SPMIP11: variants seen among roughly 807,000 people sequenced by gnomAD.
SPMIP11 encodes the protein long intergenic non-protein coding RNA 935.
the SPMIP11 span, among the ~76,000 whole-genome samples, chr12:48,760,248 A>G: frequency 6.6e-6 from 1 of 152,086 alleles, no homozygotes; most frequent in African/African-American, 2.4e-5. Flanking sequence ...ATCATAGCTC[A>G]CTGCAGCCTC....
the SPMIP11 span, among the ~76,000 whole-genome samples, chr12:48,746,270 T>G: frequency 1.3e-5 from 2 of 151,886 alleles, no homozygotes; most frequent in Admixed American, 1.3e-4. Flanking sequence ...AGAGATTTTA[T>G]GTAAAACCAA....
the SPMIP11 span, chr12:48,768,464 G>A: frequency 7.3e-7 from 1 of 1,365,428 alleles, no homozygotes; most frequent in Admixed American, 1.8e-5. Context: ...AGCCTGCTGG[G>A]ATGTTCCCTT....
At chr12:48,771,421 T>G in the SPMIP11 span, 80 of 551,692 alleles carry the variant, frequency 1.5e-4, no homozygotes, top group South Asian at 1.2e-3. This position sits in a 1 kb window ranked among gnomAD's most constrained non-coding sequence, Gnocchi z 4.3. Flanking sequence ...CACAGACTAT[T>G]GCCTTCTTCT....
At chr12:48,746,322 C>A in the SPMIP11 span, among the ~76,000 whole-genome samples, 1 of 149,744 alleles carries the variant, frequency 6.7e-6, no homozygotes, top group African/African-American at 2.5e-5. Flanking sequence ...GGGGGCCGGG[C>A]ACAATAGCTC....
the SPMIP11 span, among the ~76,000 whole-genome samples, chr12:48,745,741 A>G: frequency 6.6e-6 from 1 of 152,242 alleles, no homozygotes; most frequent in African/African-American, 2.4e-5. Flanking sequence ...TGCCTAAAAG[A>G]AAATACTGAC....
chr12:48,736,014 A>G, the SPMIP11 span: 4 of 415,780 alleles, frequency 9.6e-6, no homozygotes, highest in Non-Finnish European at 1.4e-5. Flanking sequence ...TAGTCTTACA[A>G]CTATGTAAAA....
chr12:48,758,082 C>G, the SPMIP11 span, among the ~76,000 whole-genome samples: 2 of 152,096 alleles, frequency 1.3e-5, no homozygotes, highest in Non-Finnish European at 2.9e-5. Flanking sequence ...GAGGGAAGAT[C>G]GCTTGAGCCC....
At chr12:48,733,257 T>C in the SPMIP11 span, among the ~76,000 whole-genome samples, 1 of 151,716 alleles carries the variant, frequency 6.6e-6, no homozygotes. Context: ...GTATTTTTAG[T>C]AGAGGTGAGG....
chr12:48,745,305 T>TTTCTTA, the SPMIP11 span, among the ~76,000 whole-genome samples: 5 of 150,448 alleles, frequency 3.3e-5, no homozygotes, highest in East Asian at 9.7e-4. Flanking sequence ...TAAAAAGATG[T>TTTCTTA]TTCTTAGCAT....
the SPMIP11 span, among the ~76,000 whole-genome samples, chr12:48,753,152 T>C: frequency 6.6e-6 from 1 of 152,242 alleles, no homozygotes; most frequent in East Asian, 1.9e-4. Flanking sequence ...CCCAGAACAC[T>C]GTTCATTGAC....
the SPMIP11 span, chr12:48,765,813 G>A: frequency 4.8e-6 from 3 of 628,272 alleles, no homozygotes; most frequent in Non-Finnish European, 8.6e-6. Flanking sequence ...CACGGGGGGA[G>A]CTGTGGGGTC....
chr12:48,742,197 C>T, the SPMIP11 span, among the ~76,000 whole-genome samples: 1 of 152,040 alleles, frequency 6.6e-6, no homozygotes, highest in Non-Finnish European at 1.5e-5. Flanking sequence ...CATAAGCCAC[C>T]TCACCTAGCC....
chr12:48,729,590 A>C, the SPMIP11 span, among the ~76,000 whole-genome samples: 22 of 151,858 alleles, frequency 1.4e-4, no homozygotes, highest in Middle Eastern at 3.4e-3. Flanking sequence ...CATGCCTGTA[A>C]TCCCAGTGAC....
chr12:48,755,875 C>CTTTTT, the SPMIP11 span, among the ~76,000 whole-genome samples: 9 of 101,604 alleles, frequency 8.9e-5, no homozygotes, highest in East Asian at 3.0e-4. Flanking sequence ...CAGTTTCTTT[C>CTTTTT]TTTTTTTTTT....
At chr12:48,765,537 G>T in the SPMIP11 span, 3 of 700,456 alleles carry the variant, frequency 4.3e-6, no homozygotes, top group African/African-American at 3.5e-5. Context: ...CCTCTTGGGA[G>T]CTATTTTTAA....
chr12:48,751,568 T>C, the SPMIP11 span, among the ~76,000 whole-genome samples: 1 of 152,140 alleles, frequency 6.6e-6, no homozygotes, highest in African/African-American at 2.4e-5. Context: ...ATTGCACCAG[T>C]GCATTCCAGC....
the SPMIP11 span, among the ~76,000 whole-genome samples, chr12:48,756,277 G>A: frequency 1.3e-5 from 2 of 152,030 alleles, no homozygotes; most frequent in South Asian, 4.2e-4. Flanking sequence ...CCAGGAAATG[G>A]CCTCGTTGCT....
At chr12:48,763,774 G>A in the SPMIP11 span, among the ~76,000 whole-genome samples, 1 of 151,400 alleles carries the variant, frequency 6.6e-6, no homozygotes, top group Non-Finnish European at 1.5e-5. Context: ...CATCTCTCGG[G>A]TTCAAGCAAT....
the SPMIP11 span, among the ~76,000 whole-genome samples, chr12:48,741,069 C>CTTTTTT: frequency 8.9e-6 from 1 of 112,512 alleles, no homozygotes. Context: ...ATGATATTGA[C>CTTTTTT]TTTTTTTTTT....
Sources: gnomAD v4.1 joint callset for allele counts (sites outside exome capture counted in the v4.1 genomes callset) on GRCh38, gnomAD v4.1.1 for gene constraint, Gnocchi (gnomAD v3.1) non-coding constraint, MANE v1.5 for transcripts, NCBI Gene and HGNC (gene_info 2026-07-23, HGNC 2026-07-21) for gene names.